Variants in ABHD6 observed in about 807,000 individuals in gnomAD.
ABHD6 encodes the protein abhydrolase domain containing 6, acylglycerol lipase.
In ABHD6, 33 loss-of-function variants were observed where a neutral mutation model predicts 38.8. That is an observed-to-expected ratio of 0.85 (90% CI 0.64 to 1.14). The LOEUF is 1.14. Ranked by LOEUF, ABHD6 falls within the 50% of genes most tolerant of loss-of-function variation. The probability of loss-of-function intolerance (pLI) is 0.00; values close to 1 mark genes in which losing one functional copy is unlikely to be tolerated. For missense variants in ABHD6, 380 were observed against 422.6 expected, an observed-to-expected ratio of 0.90 and a Z score of 0.88; for synonymous variants, 147 against 161.6, an observed-to-expected ratio of 0.91 and a Z score of 0.69.
intron 7 of ABHD6, among the ~76,000 whole-genome samples, chr3:58,281,390 G>A (rs1165169913): frequency 6.6e-6 from 1 of 152,164 alleles, no homozygotes; most frequent in Non-Finnish European, 1.5e-5. Context: ...GTGGGCCTGG[G>A]ACCCACCGAG....
intron 1 of ABHD6, among the ~76,000 whole-genome samples, chr3:58,249,549 C>T (rs932749334): frequency 2.6e-5 from 4 of 152,200 alleles, no homozygotes; most frequent in East Asian, 3.8e-4. Flanking sequence ...TTTAGGTAAG[C>T]CCTAACCCCG....
At chr3:58,249,420 A>G (rs960954696) in intron 1 of ABHD6, among the ~76,000 whole-genome samples, 1 of 152,126 alleles carries the variant, frequency 6.6e-6, no homozygotes, top group Non-Finnish European at 1.5e-5. Context: ...CTTCTGCCCA[A>G]CCCAGTTTTG....
intron 7 of ABHD6, among the ~76,000 whole-genome samples, chr3:58,284,529 C>A (rs1432414234): frequency 6.6e-6 from 1 of 151,784 alleles, no homozygotes; most frequent in Non-Finnish European, 1.5e-5. Context: ...CAGCTCACTG[C>A]AACCTCCGCC....
Position 58,285,170 on chromosome 3 carries a change from G to A in ABHD6, c.736+31G>A, listed in dbSNP as rs1479724766. On this transcript the variant is annotated intron_variant, in intron 8 of 9. Coordinates refer to ENST00000478253, the MANE Select transcript of ABHD6 (RefSeq NM_001320126.2). This position sits in a 1 kb window ranked among gnomAD's most constrained non-coding sequence, Gnocchi z 4.9. ...TAGCCCTACTTTCAGCTTGGAGCTT[G>A]TTACAAGTGAAGCTCTGTGGATGGA... The A allele has an allele frequency of 1.2e-6, 2 of 1,607,826 alleles. No homozygotes were observed. The highest frequency in any genetic ancestry group is 4.5e-5 in the East Asian group (2 of 44,856).
chr3:58,289,809 C>A (rs1365079464), intron 9 of ABHD6, among the ~76,000 whole-genome samples: 5 of 151,658 alleles, frequency 3.3e-5, no homozygotes, highest in African/African-American at 1.2e-4. Flanking sequence ...CCAGTAGGGG[C>A]GGCCAGGCAG....
chr3:58,260,497 C>T lies in ABHD6; in HGVS notation c.119+3792C>T, dbSNP rs535154889. ...CAGCAATCCTGTGAGGCACTTCCTC[C>T]GCATCACTGAAATGCACAGACTGCT... On this transcript the variant is annotated intron_variant, in intron 3 of 9. Coordinates refer to ENST00000478253, the MANE Select transcript of ABHD6 (RefSeq NM_001320126.2). 8.5e-5 allele frequency among the ~76,000 whole-genome samples: 13 copies of T among 152,300 alleles called. No homozygotes were observed. In the East Asian group the frequency reaches 9.6e-4, roughly 11 times the overall value.
chr3:58,270,101 T>C (rs952376504), intron 5 of ABHD6, among the ~76,000 whole-genome samples: 4 of 152,186 alleles, frequency 2.6e-5, no homozygotes, highest in Admixed American at 6.5e-5. Flanking sequence ...ATGAATATTT[T>C]TTAGAATGCT....
At chr3:58,245,051 G>A (rs1372359019) in intron 1 of ABHD6, among the ~76,000 whole-genome samples, 3 of 152,194 alleles carry the variant, frequency 2.0e-5, no homozygotes, top group Non-Finnish European at 4.4e-5. Flanking sequence ...TGCTGGGAGT[G>A]AGAAGTCTTG....
In ABHD6 at chr3:58,267,250, T is replaced by C; in HGVS notation, c.181T>C (p.Cys61Arg). 6.2e-7 allele frequency: 1 copy of C among 1,614,224 alleles called. No homozygotes were observed. The change falls in exon 4 of 10, where the codon TGT (cysteine) becomes CGT (arginine). Residue 61 changes from cysteine to arginine, a missense_variant. Transcript: ENST00000478253. This position sits in a 1 kb window ranked among gnomAD's most constrained non-coding sequence, Gnocchi z 4.3. ...TGTTCACCATGAAGACTATCAGTTC[T>C]GTTATTCCTTCCGGGGCAGGCCTGG... ...RYVHHEDYQF[C>R]YSFRGRPGHK...
In ABHD6 at chr3:58,256,376, G is replaced by A. The variant is rs1301079225; in HGVS notation, c.-25-186G>A. Among the ~76,000 whole-genome samples the A allele has an allele frequency of 6.6e-6, 1 of 151,664 alleles. No individual in the cohort carries two copies. Among genetic ancestry groups the A allele is most frequent in the Admixed American group, 6.6e-5 (1 of 15,220 alleles). On this transcript the variant is annotated intron_variant, in intron 2 of 9. Transcript: ENST00000478253. The surrounding 1 kb of genome is among the most constrained non-coding windows in gnomAD (Gnocchi z 4.3). ...TTTTTTTACAAATCCAGGCTCCTCTGAAAAGTTCCTCATTACTTTTAGTTG... is the reference window on the plus strand; with the variant it reads ...TTTTTTTACAAATCCAGGCTCCTCTAAAAAGTTCCTCATTACTTTTAGTTG...
Position 58,289,839 on chromosome 3 carries a change from G to A in ABHD6, c.838-3750G>A, listed in dbSNP as rs867642380. 2.7e-5 allele frequency among the ~76,000 whole-genome samples: 4 copies of A among 147,190 alleles called. No homozygotes were observed. In the South Asian group the frequency reaches 8.5e-4, roughly 31 times the overall value. ...AGGCAGAGGCGCCCCTCACCACCCG[G>A]ACAGGGCGGCTGGCCGGGTAGGGGG... On this transcript the variant is annotated intron_variant, in intron 9 of 9. Coordinates refer to ENST00000478253, the MANE Select transcript of ABHD6 (RefSeq NM_001320126.2).
At chr3:58,239,677 A>G (rs114623404) in intron 1 of ABHD6, among the ~76,000 whole-genome samples, 5,055 of 152,244 alleles carry the variant, frequency 0.033, 110 homozygotes, top group South Asian at 0.046. Context: ...GCAAACCTAG[A>G]GTAAAAGATG....
chr3:58,286,850 G>GTA lies in ABHD6; in HGVS notation c.837+1398_837+1399insAT, dbSNP rs1221165191. On this transcript the variant is annotated intron_variant, in intron 9 of 9. Transcript: ENST00000478253. ...TGTGTGTGTGTGTGTGTGTGTGTGT[G>GTA]TGTATATATATATATATATGTATAT... Among the ~76,000 whole-genome samples the GTA allele has an allele frequency of 1.4e-4, 10 of 72,844 alleles. 2 individuals are homozygous for GTA. In the South Asian group the frequency reaches 6.0e-3, roughly 44 times the overall value. The allele number at this position is 72,844 out of a possible 152,430, so 47.8% of individuals were successfully genotyped here. A position where few individuals can be genotyped will look rare whatever the true frequency, so the allele number is the denominator to read the frequency against.
At chr3:58,289,836 C>A (rs1200951387) in intron 9 of ABHD6, among the ~76,000 whole-genome samples, 1 of 148,950 alleles carries the variant, frequency 6.7e-6, no homozygotes, top group Non-Finnish European at 1.5e-5. Context: ...CCCTCACCAC[C>A]CGGACAGGGC....
chr3:58,271,204 A>G (rs909635688), intron 6 of ABHD6, 140 bp downstream of exon 6: 1 of 914,370 alleles, frequency 1.1e-6, no homozygotes, highest in Admixed American at 3.8e-5. Context: ...TGATAACTCT[A>G]ACCAACCAAT....
In ABHD6 at chr3:58,251,415, A is replaced by G. The variant is rs2097429857; in HGVS notation, c.-26+1473A>G. ...TCTATGAAAGTGTTTTACGTTGTTT[A>G]TTCTTGGATTTTACTTTATACCCTG... On this transcript the variant is annotated intron_variant, in intron 2 of 9. Transcript: ENST00000478253. The surrounding 1 kb of genome is among the most constrained non-coding windows in gnomAD (Gnocchi z 5.4). 6.6e-6 allele frequency among the ~76,000 whole-genome samples: 1 copy of G among 152,132 alleles called. No homozygotes were observed. Among genetic ancestry groups the G allele is most frequent in the Non-Finnish European group, 1.5e-5 (1 of 68,022 alleles).
At chr3:58,262,947 C>T (rs1256629681) in intron 3 of ABHD6, among the ~76,000 whole-genome samples, 6 of 152,160 alleles carry the variant, frequency 3.9e-5, no homozygotes, top group African/African-American at 7.2e-5. Context: ...TTGTGGCCCA[C>T]GCCTGTAATC....
chr3:58,241,822 T>C (rs1370545678), intron 1 of ABHD6, among the ~76,000 whole-genome samples: 1 of 152,188 alleles, frequency 6.6e-6, no homozygotes, highest in Non-Finnish European at 1.5e-5. Flanking sequence ...AGTGAATGCT[T>C]AGTATCTGCC....
intron 1 of ABHD6, among the ~76,000 whole-genome samples, chr3:58,245,264 A>T (rs1217619863): frequency 6.6e-6 from 1 of 152,160 alleles, no homozygotes; most frequent in Non-Finnish European, 1.5e-5. Context: ...TCCCAGGTTC[A>T]AGCGATTCTC....
Sources: gnomAD v4.1 joint callset for allele counts (sites outside exome capture counted in the v4.1 genomes callset) on GRCh38, gnomAD v4.1.1 for gene constraint, Gnocchi (gnomAD v3.1) non-coding constraint, MANE v1.5 for transcripts, NCBI Gene and HGNC (gene_info 2026-07-23, HGNC 2026-07-21) for gene names.